JAKMIP1: variants seen among roughly 807,000 people sequenced by gnomAD.
JAKMIP1 encodes janus kinase and microtubule interacting protein 1, also known as janus kinase and microtubule-interacting protein 1.
In JAKMIP1, 33 loss-of-function variants were observed where a neutral mutation model predicts 113.0. That is an observed-to-expected ratio of 0.29 (90% confidence interval 0.22 to 0.39). The LOEUF (loss-of-function observed/expected upper bound fraction) is 0.39, where lower values mean the gene tolerates loss of function less well. JAKMIP1 is among the 10% of genes least tolerant of loss of function. The pLI is 1.00. For synonymous variants in JAKMIP1, 480 were observed against 459.9 expected (o/e 1.04, Z -0.56); for missense variants, 813 against 1,080.5 (o/e 0.75, Z 3.47).
Position 6,037,197 on chromosome 4 carries a change from C to T in JAKMIP1, c.2176-1090G>A, listed in dbSNP as rs141961249. ...AGGCTAACCAGTAGCCCTCCATCAC[C>T]GAGGCAGAGGTTAACCCAGTAGCCC... is the stretch of plus-strand genomic sequence containing the variant. On this transcript the variant is annotated intron_variant, in intron 18 of 20. Coordinates refer to ENST00000409021, the MANE Select transcript of JAKMIP1 (RefSeq NM_001099433.2). Among the ~76,000 whole-genome samples, 551 of 131,638 alleles carry T rather than the reference C, an allele frequency of 4.2e-3. 4 individuals carry two copies. Among genetic ancestry groups the T allele is most frequent in the African/African-American group, 0.015 (505 of 32,678 alleles). The allele number at this position is 131,638 out of a possible 152,430, so 86.4% of individuals were successfully genotyped here. A position where few individuals can be genotyped will look rare whatever the true frequency, so the allele number is the denominator to read the frequency against.
chr4:6,145,271 T>A (rs902610140), intron 1 of JAKMIP1, among the ~76,000 whole-genome samples: 8 of 152,138 alleles, frequency 5.3e-5, no homozygotes, highest in African/African-American at 1.9e-4. Flanking sequence ...TCCTTCAATA[T>A]TCACAAGAAA....
intron 1 of JAKMIP1, among the ~76,000 whole-genome samples, chr4:6,124,145 C>T (rs1365091561): frequency 2.0e-5 from 3 of 152,190 alleles, no homozygotes; most frequent in Non-Finnish European, 2.9e-5. Context: ...GTTCTCTCCA[C>T]GCAGGACTCT....
intron 8 of JAKMIP1, among the ~76,000 whole-genome samples, chr4:6,077,892 C>A (rs563182140): frequency 1.3e-5 from 2 of 152,244 alleles, no homozygotes; most frequent in East Asian, 3.9e-4. Flanking sequence ...CTATCTGATG[C>A]CATCGGTCCA....
intron 8 of JAKMIP1, among the ~76,000 whole-genome samples, chr4:6,075,409 T>C (rs562745502): frequency 1.3e-5 from 2 of 152,278 alleles, no homozygotes; most frequent in East Asian, 1.9e-4. Context: ...TGGATCCAAG[T>C]ATCAATTCAA....
Position 6,116,363 on chromosome 4 carries a change from C to T in JAKMIP1, c.-147-3366G>A, listed in dbSNP as rs1378464407. 6.6e-6 allele frequency among the ~76,000 whole-genome samples: 1 copy of T among 151,928 alleles called. No individual in the cohort carries two copies. Among genetic ancestry groups the T allele is most frequent in the Admixed American group, 6.6e-5 (1 of 15,246 alleles). On this transcript the variant is annotated intron_variant, in intron 1 of 20. Transcript: ENST00000409021. This position sits in a 1 kb window ranked among gnomAD's most constrained non-coding sequence, Gnocchi z 5.1. ...GGATTTTCGTTCTGAGCCCACTGCCCACCAAGCAGGAGATGGCACAGCCCA... is the reference window on the plus strand; with the variant it reads ...GGATTTTCGTTCTGAGCCCACTGCCTACCAAGCAGGAGATGGCACAGCCCA...
At position 6,050,334 on chromosome 4, in the gene JAKMIP1, A is replaced by G. The variant is rs1434740734; in HGVS notation, c.1908+244T>C. On this transcript the variant is annotated intron_variant, in intron 14 of 20. Transcript: ENST00000409021. The surrounding 1 kb of genome is among the most constrained non-coding windows in gnomAD (Gnocchi z 7.4). ...CTAAGGCTCTGAAAGTTTACAGGCC[A>G]GAGCAGTGGTGGAACTGGGGTTCAC... 6.6e-6 allele frequency among the ~76,000 whole-genome samples: 1 copy of G among 152,244 alleles called. No individual in the cohort carries two copies. Among genetic ancestry groups the G allele is most frequent in the African/African-American group, 2.4e-5 (1 of 41,474 alleles).
chr4:6,085,504 G>A lies in JAKMIP1; in HGVS notation c.750C>T (p.Val250=), dbSNP rs201123585. The A allele has an allele frequency of 1.9e-6, 3 of 1,614,156 alleles. No individual in the cohort carries two copies. In the East Asian group the frequency reaches 6.7e-5, roughly 36 times the overall value. Residue 250 remains valine (V), a synonymous_variant, in exon 4 of 21, where the codon GTC becomes GTT. Transcript: ENST00000409021. ...TACTGTGGTGCCGCTCGGCCTCCTT[G>A]ACCTGAACCAGCTGCTCATCCAAAG... The part of the protein sequence containing the change: ...KEALDEQLVQ[V]KEAERHHSSP...
chr4:6,036,805 A>G (rs1045455978), intron 18 of JAKMIP1, among the ~76,000 whole-genome samples: 1 of 152,196 alleles, frequency 6.6e-6, no homozygotes, highest in African/African-American at 2.4e-5. Context: ...CTAAATCTCC[A>G]CCCACATTCC....
intron 1 of JAKMIP1, among the ~76,000 whole-genome samples, chr4:6,174,490 C>G (rs1725103512): frequency 6.6e-6 from 1 of 152,188 alleles, no homozygotes; most frequent in Non-Finnish European, 1.5e-5. Context: ...CACGGGCCCT[C>G]AGGCCCGATG....
intron 11 of JAKMIP1, among the ~76,000 whole-genome samples, chr4:6,057,908 C>T (rs898006822): frequency 1.3e-5 from 2 of 152,244 alleles, no homozygotes; most frequent in African/African-American, 4.8e-5. Context: ...AGGCACCTGG[C>T]CGGGAGCTGG....
rs1298140511 is a variant in JAKMIP1 at position 6,156,804 on chromosome 4, CCACACCTGG to C, written c.-148+43440_-148+43448del. Among the ~76,000 whole-genome samples, 3 of 152,352 alleles carry C rather than the reference CCACACCTGG, an allele frequency of 2.0e-5. No homozygotes were observed. Among genetic ancestry groups the C allele is most frequent in the African/African-American group, 7.2e-5 (3 of 41,574 alleles). Reference sequence around the variant, plus strand: ...ATGTCTGGTCTTGGGAATCTCATGGCCACACCTGGCACATGGACATGGTCTGCCCATGAT... The same window carrying C: ...ATGTCTGGTCTTGGGAATCTCATGGCCACATGGACATGGTCTGCCCATGAT... On this transcript the variant is annotated intron_variant, in intron 1 of 20. Transcript: ENST00000409021. The surrounding 1 kb of genome is among the most constrained non-coding windows in gnomAD (Gnocchi z 5.0).
intron 1 of JAKMIP1, among the ~76,000 whole-genome samples, chr4:6,161,469 G>A (rs1022041105): frequency 7.9e-5 from 12 of 152,222 alleles, no homozygotes; most frequent in African/African-American, 1.2e-4. Flanking sequence ...AGCCACACCC[G>A]CCTGAACGGG....
At chr4:6,079,341 C>G (rs1206967834) in intron 7 of JAKMIP1, among the ~76,000 whole-genome samples, 1 of 151,520 alleles carries the variant, frequency 6.6e-6, no homozygotes, top group Non-Finnish European at 1.5e-5. Flanking sequence ...GATGGGTGGA[C>G]AGATGGGTGG....
intron 1 of JAKMIP1, among the ~76,000 whole-genome samples, chr4:6,189,273 C>T (rs1726974262): frequency 6.6e-6 from 1 of 152,208 alleles, no homozygotes; most frequent in Non-Finnish European, 1.5e-5. Flanking sequence ...AGCGAAATGC[C>T]AGTCTGAAGA....
In JAKMIP1 at chr4:6,085,425, C is replaced by A; in HGVS notation, c.829G>T (p.Val277Phe). 6.2e-7 allele frequency: 1 copy of A among 1,612,548 alleles called. No individual in the cohort carries two copies. Among genetic ancestry groups the A allele is most frequent in the Non-Finnish European group, 8.5e-7 (1 of 1,179,822 alleles). The change falls in exon 4 of 21, where the codon GTC becomes TTC. Residue 277 changes from valine to phenylalanine, a missense_variant. Val to Phe is a conservative substitution (Grantham distance 50, BLOSUM62 -1). Around this residue, in one of 2 missense-constraint regions of JAKMIP1, gnomAD observed 540 missense variants for 653.9 expected, o/e 0.83. Transcript: ENST00000409021. Reference sequence around the variant, plus strand: ...CACAAGCTGCTGCCCCTCACCTGGACGCCCATGAGCTCCACCATGTCCCCG... The same window carrying A: ...CACAAGCTGCTGCCCCTCACCTGGAAGCCCATGAGCTCCACCATGTCCCCG... Reference protein sequence around the residue: ...GIGDMVELMGVQDQHMDERDV... With the variant: ...GIGDMVELMGFQDQHMDERDV...
At chr4:6,057,905 T>A (rs1378441775) in intron 11 of JAKMIP1, among the ~76,000 whole-genome samples, 1 of 152,254 alleles carries the variant, frequency 6.6e-6, no homozygotes. Context: ...TGGAGGCACC[T>A]GGCCGGGAGC....
intron 1 of JAKMIP1, among the ~76,000 whole-genome samples, chr4:6,171,148 C>T (rs773198641): frequency 2.0e-4 from 30 of 150,018 alleles, no homozygotes; most frequent in Non-Finnish European, 4.0e-4. Flanking sequence ...GCACCACCAT[C>T]ATCACCACCA....
At chr4:6,149,126 G>A (rs1578387482) in intron 1 of JAKMIP1, among the ~76,000 whole-genome samples, 1 of 152,218 alleles carries the variant, frequency 6.6e-6, no homozygotes. Context: ...AAGGGCCACT[G>A]GGGCTGGACA....
rs1300796467 is a variant in JAKMIP1 at position 6,199,505 on chromosome 4, C to G, written c.-148+748G>C. Among the ~76,000 whole-genome samples the G allele has an allele frequency of 6.6e-6, 1 of 152,156 alleles. No homozygotes were observed. Among genetic ancestry groups the G allele is most frequent in the Non-Finnish European group, 1.5e-5 (1 of 67,992 alleles). ...CGACGCAGGGCGCCCGGCAAGGTGT[C>G]TGGCACCACGAGAGTCAATCCTTGC... On this transcript the variant is annotated intron_variant, in intron 1 of 20. Coordinates refer to ENST00000409021, the MANE Select transcript of JAKMIP1 (RefSeq NM_001099433.2). The surrounding 1 kb of genome is among the most constrained non-coding windows in gnomAD (Gnocchi z 5.6).
Sources: gnomAD v4.1 joint callset for allele counts (sites outside exome capture counted in the v4.1 genomes callset) on GRCh38, gnomAD v4.1.1 for gene constraint, gnomAD v4.1.1 regional missense constraint, Gnocchi (gnomAD v3.1) non-coding constraint, MANE v1.5 for transcripts, NCBI Gene and HGNC (gene_info 2026-07-23, HGNC 2026-07-21) for gene names.